CD247: variants seen among roughly 807,000 people sequenced by gnomAD.
CD247 encodes T-cell surface glycoprotein CD3 zeta chain.
Under a neutral mutation model 30.0 loss-of-function variants are expected in CD247, and 13 were observed. The ratio of observed to expected loss-of-function variants is 0.43; its 90% CI spans 0.28 to 0.69. The LOEUF (loss-of-function observed/expected upper bound fraction) is 0.69, where lower values mean the gene tolerates loss of function less well. Among genes scored for constraint, CD247 ranks in the 30% least tolerant of loss-of-function variants. The probability of loss-of-function intolerance (pLI) is 0.16; values close to 1 mark genes in which losing one functional copy is unlikely to be tolerated. For missense variants in CD247, 193 were observed against 212.6 expected (o/e 0.91, Z 0.57); for synonymous variants, 72 against 80.0 (o/e 0.90, Z 0.53).
At chr1:167,498,949 G>A (rs1311335603) in intron 1 of CD247, among the ~76,000 whole-genome samples, 3 of 152,118 alleles carry the variant, frequency 2.0e-5, no homozygotes, top group Non-Finnish European at 2.9e-5. Context: ...ATGCGCACAC[G>A]GGGCTCCTGA....
intron 1 of CD247, among the ~76,000 whole-genome samples, chr1:167,514,803 C>T (rs1413816392): frequency 2.0e-5 from 3 of 152,108 alleles, no homozygotes; most frequent in African/African-American, 4.8e-5. Context: ...AGAAACGATT[C>T]CCAAAGTGCG....
chr1:167,450,730 T>A (rs559110936), intron 1 of CD247, among the ~76,000 whole-genome samples: 24 of 151,890 alleles, frequency 1.6e-4, no homozygotes, highest in African/African-American at 5.1e-4. Context: ...CTAGCCAATA[T>A]GGTAAAACCC....
chr1:167,513,269 T>C (rs903856348), intron 1 of CD247, among the ~76,000 whole-genome samples: 1 of 152,144 alleles, frequency 6.6e-6, no homozygotes, highest in Non-Finnish European at 1.5e-5. Flanking sequence ...ATGTTTTATG[T>C]TTTGATTATG....
Position 167,431,435 on chromosome 1 carries a change from C to T in CD247, c.*246G>A. ...AACCGCCAGGAGACAGGTCTACCTG[C>T]ACCACCGGCAAACCAGAGGGCCCAA... On this transcript the variant is annotated 3_prime_UTR_variant, in exon 8 of 8. Coordinates refer to ENST00000362089, the MANE Select transcript of CD247 (RefSeq NM_198053.3). 1.8e-6 allele frequency: 1 copy of T among 560,524 alleles called. No individual in the cohort carries two copies. The highest frequency in any genetic ancestry group is 3.2e-6 in the Non-Finnish European group (1 of 309,012). The allele number at this position is 560,524 out of a possible 1,614,324, so 34.7% of individuals were successfully genotyped here.
At chr1:167,501,068 T>C (rs1654883768) in intron 1 of CD247, among the ~76,000 whole-genome samples, 1 of 150,198 alleles carries the variant, frequency 6.7e-6, no homozygotes, top group Admixed American at 6.6e-5. Context: ...TTTTTTTTTT[T>C]TTTTTGACCG....
chr1:167,438,044 AAG>A (rs1651629689), intron 4 of CD247, among the ~76,000 whole-genome samples: 1 of 152,044 alleles, frequency 6.6e-6, no homozygotes, highest in African/African-American at 2.4e-5. Flanking sequence ...GGAAGGAAGG[AAG>A]GAAGGAAATC....
chr1:167,513,983 G>A (rs1293946562), intron 1 of CD247, among the ~76,000 whole-genome samples: 1 of 152,058 alleles, frequency 6.6e-6, no homozygotes. Flanking sequence ...AAATAACATT[G>A]TTTAATACTA....
chr1:167,461,080 C>CGCTGGGGACAT (rs1446896073), intron 1 of CD247, among the ~76,000 whole-genome samples: 2 of 152,366 alleles, frequency 1.3e-5, no homozygotes, highest in South Asian at 2.1e-4. Flanking sequence ...GCAGCTGCCA[C>CGCTGGGGACAT]GCTGGGGACA....
chr1:167,438,559 G>A lies in CD247; in HGVS notation c.300+11C>T. 1 of 1,610,388 alleles carries A rather than the reference G, an allele frequency of 6.2e-7. No individual in the cohort carries two copies. Among genetic ancestry groups the A allele is most frequent in the Non-Finnish European group, 8.5e-7 (1 of 1,176,568 alleles). On this transcript the variant is annotated intron_variant, in intron 4 of 7. Coordinates refer to ENST00000362089, the MANE Select transcript of CD247 (RefSeq NM_198053.3). ...ATGCAGGAACACACAGGAAGGTAGAGGAACCCCTACCGGCTTTCCCCCCAT... is the reference window on the plus strand; with the variant it reads ...ATGCAGGAACACACAGGAAGGTAGAAGAACCCCTACCGGCTTTCCCCCCAT...
chr1:167,439,230 A>C, intron 3 of CD247, 114 bp downstream of exon 3: 2 of 907,372 alleles, frequency 2.2e-6, no homozygotes, highest in Non-Finnish European at 3.7e-6. Flanking sequence ...GCCGGGTCGC[A>C]GAGGTGATAG....
At chr1:167,500,877 G>A (rs1235666226) in intron 1 of CD247, among the ~76,000 whole-genome samples, 4 of 152,044 alleles carry the variant, frequency 2.6e-5, no homozygotes, top group Non-Finnish European at 5.9e-5. Context: ...GCTCACTGAG[G>A]CCAACTTCCC....
intron 1 of CD247, among the ~76,000 whole-genome samples, chr1:167,482,231 G>C (rs1654002567): frequency 6.6e-6 from 1 of 152,166 alleles, no homozygotes; most frequent in South Asian, 2.1e-4. Context: ...TGGAATGAAG[G>C]GATCAAGCTG....
At chr1:167,444,640 G>T (rs1651986770) in intron 1 of CD247, among the ~76,000 whole-genome samples, 1 of 152,118 alleles carries the variant, frequency 6.6e-6, no homozygotes. Flanking sequence ...CTGGGCATGG[G>T]GACTTCACTG....
At chr1:167,506,376 C>A (rs2102109429) in intron 1 of CD247, among the ~76,000 whole-genome samples, 1 of 131,906 alleles carries the variant, frequency 7.6e-6, no homozygotes, top group East Asian at 2.6e-4. Context: ...TTCTTTTTCT[C>A]TCACTCTGTT....
chr1:167,497,448 G>A (rs1476606422), intron 1 of CD247, among the ~76,000 whole-genome samples: 1 of 152,210 alleles, frequency 6.6e-6, no homozygotes, highest in Non-Finnish European at 1.5e-5. Flanking sequence ...ATAGGATACA[G>A]TGAAATCGCT....
In CD247 at chr1:167,490,220, G is replaced by T. The variant is rs188459798; in HGVS notation, c.58+28188C>A. ...TCACATTTCCAAAAGCAGTATTCCAGACTCTGCCTGCAAAGCTTCTCCACC... is the reference window on the plus strand; with the variant it reads ...TCACATTTCCAAAAGCAGTATTCCATACTCTGCCTGCAAAGCTTCTCCACC... On this transcript the variant is annotated intron_variant, in intron 1 of 7. Coordinates refer to ENST00000362089, the MANE Select transcript of CD247 (RefSeq NM_198053.3). Among the ~76,000 whole-genome samples the T allele has an allele frequency of 3.9e-4, 59 of 152,334 alleles. 1 individual carries two copies. Among genetic ancestry groups the T allele is most frequent in the Admixed American group, 3.5e-3 (54 of 15,308 alleles).
intron 1 of CD247, among the ~76,000 whole-genome samples, chr1:167,478,595 G>A (rs187806007): frequency 8.5e-5 from 13 of 152,268 alleles, no homozygotes; most frequent in Admixed American, 8.5e-4. Flanking sequence ...GGACAGGAAC[G>A]CAGAGTCTGG....
At chr1:167,469,317 A>G (rs138481697) in intron 1 of CD247, among the ~76,000 whole-genome samples, 125 of 152,324 alleles carry the variant, frequency 8.2e-4, no homozygotes, top group African/African-American at 2.8e-3. Flanking sequence ...TAAATCGTCC[A>G]AATGTCCAGA....
intron 1 of CD247, among the ~76,000 whole-genome samples, chr1:167,465,517 G>C (rs1653205794): frequency 6.6e-6 from 1 of 151,810 alleles, no homozygotes; most frequent in Admixed American, 6.6e-5. Flanking sequence ...TTTTAGTAGA[G>C]ACGGGGTTTC....
Sources: gnomAD v4.1 joint callset for allele counts (sites outside exome capture counted in the v4.1 genomes callset) on GRCh38, gnomAD v4.1.1 for gene constraint, MANE v1.5 for transcripts, NCBI Gene and HGNC (gene_info 2026-07-23, HGNC 2026-07-21) for gene names.